SLF1: variants seen among roughly 807,000 people sequenced by gnomAD.
The protein encoded by SLF1 is SMC5-SMC6 complex localization factor protein 1.
SLF1 carries 105 observed loss-of-function variants against 123.0 expected under a neutral mutation model. The observed-to-expected ratio is 0.85, with a 90% confidence interval of 0.73 to 1.00. SLF1 has a LOEUF of 1.00. Among genes scored for constraint, SLF1 ranks in the 50% least tolerant of loss-of-function variants. The pLI is 0.00. For missense variants in SLF1, 1,239 were observed against 1,223.0 expected (o/e 1.01, Z -0.20); for synonymous variants, 434 against 406.6 (o/e 1.07, Z -0.81).
intron 12 of SLF1, among the ~76,000 whole-genome samples, chr5:94,667,749 GTTTGTTTTGT>G (rs375679088): frequency 4.0e-5 from 6 of 151,862 alleles, no homozygotes; most frequent in African/African-American, 1.5e-4. Context: ...TTGTTTGTTT[GTTTGTTTTGT>G]TTTGTTTTGT....
intron 1 of SLF1, among the ~76,000 whole-genome samples, chr5:94,622,625 T>C (rs577052249): frequency 5.1e-4 from 78 of 152,274 alleles, no homozygotes; most frequent in African/African-American, 1.8e-3. Context: ...TCTATATACT[T>C]TGTAATATTT....
At chr5:94,680,511 G>A (rs1751643005) in intron 15 of SLF1, among the ~76,000 whole-genome samples, 1 of 152,130 alleles carries the variant, frequency 6.6e-6, no homozygotes, top group Non-Finnish European at 1.5e-5. Flanking sequence ...GCTAGAATGG[G>A]AACTAAGCAT....
At chr5:94,691,473 G>T in intron 18 of SLF1, 91 bp from the exon 19 acceptor site, 1 of 993,186 alleles carries the variant, frequency 1.0e-6, no homozygotes, top group Non-Finnish European at 1.4e-6. Context: ...TTTCTGGCAT[G>T]GGGCCAGATC....
rs529538160 is a variant in SLF1, at chr5:94,640,275, G to GT, written c.432-2991dup. ...CTGCATATAGAATTATGGGTCGACA[G>GT]TTTTTTTCACTTTAATTCGTAATTA... On this transcript the variant is annotated intron_variant, in intron 4 of 20. Transcript: ENST00000265140. Among the ~76,000 whole-genome samples the GT allele has an allele frequency of 3.3e-3, 508 of 152,184 alleles. 4 individuals are homozygous for GT. Among genetic ancestry groups the GT allele is most frequent in the Non-Finnish European group, 5.9e-3 (402 of 67,998 alleles).
At chr5:94,628,188 C>T (rs1300911640) in intron 1 of SLF1, among the ~76,000 whole-genome samples, 3 of 151,610 alleles carry the variant, frequency 2.0e-5, no homozygotes, top group African/African-American at 7.3e-5. Flanking sequence ...CTCTGTCACC[C>T]AGGCTGGAGT....
At chr5:94,622,879 C>G (rs1227762731) in intron 1 of SLF1, among the ~76,000 whole-genome samples, 1 of 151,880 alleles carries the variant, frequency 6.6e-6, no homozygotes, top group African/African-American at 2.4e-5. Flanking sequence ...AAAGTTTATC[C>G]TTATTTTCCT....
chr5:94,670,015 A>T, intron 12 of SLF1, 136 bp from the exon 13 acceptor site: 2 of 806,240 alleles, frequency 2.5e-6, no homozygotes, highest in Non-Finnish European at 3.7e-6. Context: ...ATATATTCAT[A>T]AAATTTTGTT....
chr5:94,629,877 G>A (rs1304056206), intron 3 of SLF1, among the ~76,000 whole-genome samples: 1 of 152,180 alleles, frequency 6.6e-6, no homozygotes, highest in Non-Finnish European at 1.5e-5. Context: ...GGGTGTGGAG[G>A]CTCATGCCTG....
intron 11 of SLF1, among the ~76,000 whole-genome samples, chr5:94,664,791 G>T (rs1485842639): frequency 6.6e-6 from 1 of 152,188 alleles, no homozygotes; most frequent in Non-Finnish European, 1.5e-5. Context: ...TGTATAGATA[G>T]AGTCATCCCT....
intron 15 of SLF1, among the ~76,000 whole-genome samples, chr5:94,682,342 C>T (rs750121792): frequency 6.6e-6 from 1 of 151,844 alleles, no homozygotes; most frequent in Non-Finnish European, 1.5e-5. Context: ...TCCCTCATTT[C>T]TTTTCTCTGC....
chr5:94,634,089 T>C (rs1483392921), intron 4 of SLF1, among the ~76,000 whole-genome samples: 1 of 152,198 alleles, frequency 6.6e-6, no homozygotes, highest in Non-Finnish European at 1.5e-5. Flanking sequence ...TACAAGTTTA[T>C]TATTTAATTC....
chr5:94,697,344 CATA>C lies in SLF1; in HGVS notation c.*2041_*2043del, dbSNP rs1264734398. On this transcript the variant is annotated 3_prime_UTR_variant, in exon 21 of 21. Transcript: ENST00000265140. Reference sequence around the variant, plus strand: ...ACTTCTTATACTTTATTTTAGAAAACATAATAATAATTGCCTTGAATAATTGCC... The same window carrying C: ...ACTTCTTATACTTTATTTTAGAAAACATAATAATTGCCTTGAATAATTGCC... 22 of 151,908 alleles carry C rather than the reference CATA, an allele frequency of 1.4e-4. No individual in the cohort carries two copies. Among genetic ancestry groups the C allele is most frequent in the African/African-American group, 5.1e-4 (21 of 41,502 alleles). The allele number at this position is 151,908 out of a possible 1,614,324, so 9.4% of individuals were successfully genotyped here.
intron 16 of SLF1, 70 bp downstream of exon 16, chr5:94,686,788 T>C (rs1184326285): frequency 3.3e-6 from 3 of 897,134 alleles, no homozygotes; most frequent in Non-Finnish European, 4.4e-6. Context: ...TTTATTTATT[T>C]AGTTATTTAT....
At chr5:94,678,493 G>A (rs1034720624) in intron 14 of SLF1, 2 of 174,832 alleles carry the variant, frequency 1.1e-5, no homozygotes, top group African/African-American at 4.8e-5. Context: ...CAAAAACCAG[G>A]TATTTTCTCA....
At chr5:94,646,885 G>A (rs2152476336) in intron 5 of SLF1, among the ~76,000 whole-genome samples, 1 of 152,232 alleles carries the variant, frequency 6.6e-6, no homozygotes, top group Non-Finnish European at 1.5e-5. Context: ...AATAGTTACT[G>A]AGTGATTATT....
At chr5:94,653,871 G>C (rs141015159) in intron 8 of SLF1, among the ~76,000 whole-genome samples, 360 of 146,720 alleles carry the variant, frequency 2.5e-3, no homozygotes, top group African/African-American at 8.8e-3. Flanking sequence ...TTTTTTTAAC[G>C]ATCTAAACCA....
At chr5:94,666,951 ATCT>A (rs1358916729) in intron 12 of SLF1, among the ~76,000 whole-genome samples, 16 of 106,310 alleles carry the variant, frequency 1.5e-4, no homozygotes, top group Admixed American at 1.4e-3. Flanking sequence ...GGCTGGGAAG[ATCT>A]TTTTTTTTTT....
At chr5:94,651,055 A>G (rs934874566) in intron 6 of SLF1, among the ~76,000 whole-genome samples, 10 of 152,220 alleles carry the variant, frequency 6.6e-5, no homozygotes, top group Non-Finnish European at 1.2e-4. Flanking sequence ...ATAGTCCCAT[A>G]AGATAATAAT....
intron 15 of SLF1, among the ~76,000 whole-genome samples, chr5:94,680,845 C>T (rs920947454): frequency 4.6e-5 from 7 of 152,130 alleles, no homozygotes; most frequent in African/African-American, 1.7e-4. Flanking sequence ...TGTGTAAAAC[C>T]TAGAACTTTG....
Sources: allele counts gnomAD v4.1 joint callset (sites outside exome capture counted in the v4.1 genomes callset), GRCh38; gene constraint gnomAD v4.1.1; transcripts MANE v1.5; gene names NCBI Gene and HGNC (gene_info 2026-07-23, HGNC 2026-07-21).